The following USH2A variants were observed in gnomAD, a reference collection of about 807,000 sequenced individuals.
USH2A encodes usherin, also known as Usher syndrome 2A (autosomal recessive, mild).
USH2A carries 443 observed loss-of-function variants against 538.9 expected under a neutral mutation model. The observed-to-expected ratio is 0.82, with a 90% CI of 0.76 to 0.89. The LOEUF is 0.89. Among genes scored for constraint, USH2A ranks in the 40% least tolerant of loss-of-function variants. The pLI, the probability that USH2A is intolerant of heterozygous loss-of-function variation, is 0.00. For missense variants in USH2A, 6,633 were observed against 6,324.8 expected, an observed-to-expected ratio of 1.05 and a Z score of -1.65; for synonymous variants, 2,413 against 2,273.5, an observed-to-expected ratio of 1.06 and a Z score of -1.75.
intron 38 of USH2A, among the ~76,000 whole-genome samples, chr1:215,920,629 G>C (rs536012564): frequency 6.6e-6 from 1 of 152,074 alleles, no homozygotes; most frequent in African/African-American, 2.4e-5. Context: ...GAGGCTTAGA[G>C]AGGAGAAAAG....
Position 216,231,974 on chromosome 1 carries a change from C to T in USH2A, c.2972G>A (p.Gly991Glu), listed in dbSNP as rs779811357. The T allele has an allele frequency of 2.4e-5, 39 of 1,613,808 alleles. No individual in the cohort carries two copies. The Admixed American group carries it at 6.3e-4, about 26-fold the overall frequency. ...GTACCTTCCAGTCTGAGGATCAAAT[C>T]CAAAGTAATGGTCTTTGCATTGGTC... ...RCDQCKDHYF[G>E]FDPQTGRCQP... The change falls in exon 14 of 72, where the codon GGA (glycine) becomes GAA (glutamate). Residue 991 changes from glycine to glutamate, a missense_variant. By Grantham distance (98) the Gly-to-Glu change is moderately conservative. Coordinates refer to ENST00000307340, the MANE Select transcript of USH2A (RefSeq NM_206933.4).
chr1:216,058,757 T>G (rs1046240831), intron 30 of USH2A, among the ~76,000 whole-genome samples: 1 of 152,206 alleles, frequency 6.6e-6, no homozygotes, highest in Non-Finnish European at 1.5e-5. Flanking sequence ...AGTTCAATAC[T>G]CAGTCCAACT....
At position 216,196,717 on chromosome 1, in the gene USH2A, CA is replaced by C. The variant is rs2034854568; in HGVS notation, c.4086del (p.Val1363TyrfsTer3). On this transcript the variant is annotated frameshift_variant, in exon 19 of 72. Coordinates refer to ENST00000307340, the MANE Select transcript of USH2A (RefSeq NM_206933.4). LOFTEE classifies it high-confidence loss of function. ...AAGACTGAAGGAGGGATCATGAATA[CA>C]GGTGCTATCAATGAGAACAATAACA... ...WVSERTGESAPVFMIPPSVFP... is the reference protein window; with the variant it reads ...WVSERTGESAXVFMIPPSVFP... 3.1e-6 allele frequency: 5 copies of C among 1,612,656 alleles called. No individual in the cohort carries two copies. The highest frequency in any genetic ancestry group is 4.2e-6 in the Non-Finnish European group (5 of 1,179,308).
At chr1:215,630,199 A>G (rs749030082) in intron 70 of USH2A, 2 of 479,616 alleles carry the variant, frequency 4.2e-6, no homozygotes, top group South Asian at 2.9e-5. Context: ...CTCAAAGTGC[A>G]TGGTGTAACT....
chr1:216,145,124 C>G (rs528895873), intron 21 of USH2A, among the ~76,000 whole-genome samples: 3 of 152,282 alleles, frequency 2.0e-5, no homozygotes, highest in Non-Finnish European at 4.4e-5. Context: ...CTCACCCGCC[C>G]CCACAACAAT....
rs866898065 is a variant in USH2A at position 216,175,430 on chromosome 1, G to A, written c.4449C>T (p.Ile1483=). The A allele has an allele frequency of 5.6e-6, 9 of 1,613,668 alleles. No homozygotes were observed. The highest frequency in any genetic ancestry group is 7.6e-6 in the Non-Finnish European group (9 of 1,179,882). Residue 1483 remains isoleucine (I), a synonymous_variant, in exon 21 of 72, where the codon ATC becomes ATT. Transcript: ENST00000307340. ...PLVKGINSTT[I]HLRWFPPEEL... ...CTTCAGGTGGAAACCACCTAAGATG[G>A]ATTGTTGTGCTGTTGATTCCTTTAA...
rs946318077 is a variant in USH2A at position 216,200,087 on chromosome 1, T to C, written c.3351A>G (p.Pro1117=). 6.2e-6 allele frequency: 10 copies of C among 1,613,026 alleles called. No homozygotes were observed. Among genetic ancestry groups the C allele is most frequent in the Admixed American group, 3.3e-5 (2 of 59,898 alleles). ...CAATGTAATAGGAATATTTGGTATA[T>C]GGTAACAGGTCTGTGTCTAAGAAGT... The part of the protein sequence containing the change: ...IQYFLDTDLL[P]YTKYSYYIET... The change falls in exon 17 of 72, where the codon CCA becomes CCG. Residue 1117 remains proline, a synonymous_variant. Coordinates refer to ENST00000307340, the MANE Select transcript of USH2A (RefSeq NM_206933.4).
At chr1:216,127,684 G>T (rs528218833) in intron 21 of USH2A, among the ~76,000 whole-genome samples, 4 of 152,302 alleles carry the variant, frequency 2.6e-5, no homozygotes, top group Admixed American at 2.0e-4. Flanking sequence ...GTAAAAGAGA[G>T]AATTCACACA....
At chr1:215,836,506 T>TTATATA (rs71159885) in intron 47 of USH2A, among the ~76,000 whole-genome samples, 2 of 18,320 alleles carry the variant, frequency 1.1e-4, no homozygotes, top group Non-Finnish European at 1.9e-4. Context: ...ATAATATATA[T>TTATATA]TATATATATA....
At chr1:216,253,990 G>A (rs1474006105) in intron 11 of USH2A, among the ~76,000 whole-genome samples, 1 of 151,874 alleles carries the variant, frequency 6.6e-6, no homozygotes, top group Non-Finnish European at 1.5e-5. Flanking sequence ...ACTTTACATG[G>A]TCACTTTTTC....
intron 55 of USH2A, among the ~76,000 whole-genome samples, chr1:215,771,214 T>C (rs1432868125): frequency 6.6e-6 from 1 of 151,394 alleles, no homozygotes; most frequent in African/African-American, 2.4e-5. Flanking sequence ...CCAGAGCAAC[T>C]GGGTTAGGCT....
At chr1:215,969,645 T>C (rs566013037) in intron 36 of USH2A, among the ~76,000 whole-genome samples, 1 of 152,164 alleles carries the variant, frequency 6.6e-6, no homozygotes, top group South Asian at 2.1e-4. Flanking sequence ...ATAAAATGCT[T>C]AATGGCAATA....
chr1:216,129,222 A>G (rs1000054626), intron 21 of USH2A, among the ~76,000 whole-genome samples: 3 of 152,130 alleles, frequency 2.0e-5, no homozygotes, highest in Non-Finnish European at 4.4e-5. Context: ...ATGAGAGTGT[A>G]AATATCTCTT....
intron 44 of USH2A, 124 bp from the exon 45 acceptor site, chr1:215,846,157 G>T: frequency 1.1e-6 from 1 of 890,940 alleles, no homozygotes; most frequent in Non-Finnish European, 1.7e-6. Flanking sequence ...TTTTGGAAAT[G>T]TTAAAAAAAG....
At chr1:216,280,465 T>G (rs1339950793) in intron 11 of USH2A, among the ~76,000 whole-genome samples, 2 of 152,046 alleles carry the variant, frequency 1.3e-5, no homozygotes, top group East Asian at 3.9e-4. Context: ...TGTATCCTAC[T>G]CAATTTATAC....
chr1:215,641,644 A>G (rs893924813), intron 67 of USH2A, among the ~76,000 whole-genome samples: 1 of 152,232 alleles, frequency 6.6e-6, no homozygotes, highest in Admixed American at 6.5e-5. Flanking sequence ...TTGTAAAAAC[A>G]TTAAGATTCA....
intron 3 of USH2A, among the ~76,000 whole-genome samples, chr1:216,417,455 A>T (rs767792238): frequency 3.9e-5 from 6 of 152,038 alleles, no homozygotes; most frequent in Non-Finnish European, 8.8e-5. Context: ...CCCAAACCTC[A>T]TGTCCAATTG....
chr1:216,384,095 A>G (rs956360091), intron 3 of USH2A, among the ~76,000 whole-genome samples: 8 of 151,786 alleles, frequency 5.3e-5, no homozygotes, highest in African/African-American at 1.9e-4. Flanking sequence ...TTTTCTGTCC[A>G]GAGTGATTTT....
At chr1:216,252,755 G>T (rs567047765) in intron 11 of USH2A, among the ~76,000 whole-genome samples, 107 of 152,114 alleles carry the variant, frequency 7.0e-4, no homozygotes, top group Non-Finnish European at 1.3e-3. Flanking sequence ...CTGTTTCTCA[G>T]TCTTATTCAG....
Sources: gnomAD v4.1 joint callset for allele counts (sites outside exome capture counted in the v4.1 genomes callset) on GRCh38, gnomAD v4.1.1 for gene constraint, MANE v1.5 for transcripts, NCBI Gene and HGNC (gene_info 2026-07-23, HGNC 2026-07-21) for gene names.